SYNPR: variants seen among roughly 807,000 people sequenced by gnomAD.
SYNPR encodes synaptoporin.
SYNPR carries 23 observed loss-of-function variants against 32.9 expected under a neutral mutation model. The ratio of observed to expected loss-of-function variants is 0.70; its 90% confidence interval spans 0.50 to 0.99. The LOEUF is 0.99. SYNPR is among the 50% of genes least tolerant of loss of function. SYNPR has a pLI of 0.00. For synonymous variants in SYNPR, 146 were observed against 135.9 expected (o/e 1.07, Z -0.52); for missense variants, 318 against 349.3 (o/e 0.91, Z 0.71).
chr3:63,291,178 A>T (rs1038380040), intron 2 of SYNPR, among the ~76,000 whole-genome samples: 4 of 152,256 alleles, frequency 2.6e-5, no homozygotes, highest in Admixed American at 2.6e-4. Flanking sequence ...GCAGATCAAC[A>T]TCATTGAACC....
At chr3:63,588,126 A>G (rs1703224363) in intron 4 of SYNPR, among the ~76,000 whole-genome samples, 2 of 152,142 alleles carry the variant, frequency 1.3e-5, no homozygotes, top group African/African-American at 4.8e-5. Flanking sequence ...TGTTTTTTAA[A>G]AAAATCAGTT....
chr3:63,424,258 T>G (rs1199652762), intron 2 of SYNPR, among the ~76,000 whole-genome samples: 1 of 152,190 alleles, frequency 6.6e-6, no homozygotes. Flanking sequence ...TGAAGCTATT[T>G]TAAAATGAAG....
At chr3:63,384,111 A>G (rs1258886851) in intron 2 of SYNPR, among the ~76,000 whole-genome samples, 1 of 152,242 alleles carries the variant, frequency 6.6e-6, no homozygotes, top group Non-Finnish European at 1.5e-5. Flanking sequence ...CCAATGCTGG[A>G]TCTGAAATTC....
At chr3:63,502,097 A>G (rs1701492686) in intron 3 of SYNPR, among the ~76,000 whole-genome samples, 1 of 152,166 alleles carries the variant, frequency 6.6e-6, no homozygotes, top group Admixed American at 6.6e-5. Context: ...TAGACATGTT[A>G]TCAAAATTTA....
intron 2 of SYNPR, chr3:63,443,543 C>T (rs762421488): frequency 1.3e-6 from 2 of 1,488,820 alleles, no homozygotes; most frequent in Non-Finnish European, 9.2e-7. Flanking sequence ...TCCATAGGCA[C>T]ATTTGGATTG....
At chr3:63,411,981 G>A (rs2088472722) in intron 2 of SYNPR, among the ~76,000 whole-genome samples, 1 of 152,098 alleles carries the variant, frequency 6.6e-6, no homozygotes, top group Non-Finnish European at 1.5e-5. Context: ...TTACTAAGGA[G>A]ACAATTGTGA....
intron 4 of SYNPR, among the ~76,000 whole-genome samples, chr3:63,606,774 G>A (rs986132449): frequency 2.0e-5 from 3 of 152,096 alleles, no homozygotes; most frequent in Admixed American, 6.5e-5. Context: ...TATTCCATAA[G>A]GCAGATGGCC....
At chr3:63,399,888 C>G (rs1411103313) in intron 2 of SYNPR, among the ~76,000 whole-genome samples, 1 of 152,190 alleles carries the variant, frequency 6.6e-6, no homozygotes, top group African/African-American at 2.4e-5. Flanking sequence ...AGTTCCTAGT[C>G]TGGACCTTAA....
intron 3 of SYNPR, among the ~76,000 whole-genome samples, chr3:63,489,295 T>C (rs1283682669): frequency 2.0e-5 from 3 of 152,150 alleles, no homozygotes; most frequent in East Asian, 1.9e-4. Flanking sequence ...CCCAATCCAA[T>C]TGGTCACTGG....
chr3:63,284,695 CTTAATA>C (rs2106922830), intron 2 of SYNPR, among the ~76,000 whole-genome samples: 1 of 152,274 alleles, frequency 6.6e-6, no homozygotes, highest in African/African-American at 2.4e-5. Context: ...ATACTGCTTT[CTTAATA>C]TTAATAACAT....
intron 2 of SYNPR, among the ~76,000 whole-genome samples, chr3:63,431,949 C>A (rs1415175950): frequency 1.3e-5 from 2 of 152,020 alleles, no homozygotes; most frequent in African/African-American, 4.8e-5. Flanking sequence ...ACCACACAGG[C>A]CTTCAGCATT....
upstream of SYNPR, among the ~76,000 whole-genome samples, chr3:63,227,365 C>G (rs2086135879): frequency 6.6e-6 from 1 of 152,114 alleles, no homozygotes; most frequent in African/African-American, 2.4e-5. Context: ...ATCTGGGATA[C>G]ACAACACAGC....
At chr3:63,275,676 C>G (rs2086568707), upstream of SYNPR, among the ~76,000 whole-genome samples, 2 of 152,224 alleles carry the variant, frequency 1.3e-5, no homozygotes, top group South Asian at 4.1e-4. Context: ...AGGCATGTTA[C>G]ATAGCCATTC....
intron 4 of SYNPR, among the ~76,000 whole-genome samples, chr3:63,600,343 A>G (rs2106890841): frequency 1.3e-5 from 2 of 152,298 alleles, no homozygotes; most frequent in Middle Eastern, 6.8e-3. Flanking sequence ...GGGGACAGGC[A>G]TGGGTCAAAT....
intron 3 of SYNPR, among the ~76,000 whole-genome samples, chr3:63,535,979 C>T (rs1177179305): frequency 1.3e-5 from 2 of 151,948 alleles, no homozygotes; most frequent in Non-Finnish European, 2.9e-5. Context: ...TTAAAGGACT[C>T]TATCAGCCAG....
intron 4 of SYNPR, among the ~76,000 whole-genome samples, chr3:63,583,118 G>C (rs925232678): frequency 6.6e-6 from 1 of 152,080 alleles, no homozygotes; most frequent in African/African-American, 2.4e-5. Context: ...GTCACAAAGT[G>C]CATGGTGGGG....
intron 3 of SYNPR, among the ~76,000 whole-genome samples, chr3:63,524,973 G>C (rs1043281552): frequency 6.6e-6 from 1 of 151,842 alleles, no homozygotes; most frequent in African/African-American, 2.4e-5. Context: ...TTTGAAGTTA[G>C]AAACTAATAG....
intron 3 of SYNPR, among the ~76,000 whole-genome samples, chr3:63,497,143 T>C (rs1701388356): frequency 6.6e-6 from 1 of 152,148 alleles, no homozygotes; most frequent in African/African-American, 2.4e-5. Flanking sequence ...TCTCTTAATC[T>C]TTACTAATGA....
chr3:63,472,497 T>C (rs1353852865), intron 2 of SYNPR, among the ~76,000 whole-genome samples: 2 of 152,182 alleles, frequency 1.3e-5, no homozygotes, highest in Admixed American at 1.3e-4. Context: ...TCATCATCAT[T>C]ACAATGTTAC....
Sources: allele counts gnomAD v4.1 joint callset (sites outside exome capture counted in the v4.1 genomes callset), GRCh38; gene constraint gnomAD v4.1.1; transcripts MANE v1.5; gene names NCBI Gene and HGNC (gene_info 2026-07-23, HGNC 2026-07-21).